The following RLN1 variants were observed in gnomAD, a reference collection of about 807,000 sequenced individuals.
RLN1 encodes the protein prorelaxin H1.
RLN1 carries 4 observed loss-of-function variants against 7.2 expected under a neutral mutation model. The observed-to-expected ratio is 0.56, with a 90% CI of 0.28 to 1.28. The LOEUF (loss-of-function observed/expected upper bound fraction) is 1.28. RLN1 is among the 50% of genes most tolerant of loss of function. RLN1 has a pLI of 0.11. For synonymous variants in RLN1, 105 were observed against 86.0 expected, an observed-to-expected ratio of 1.22 and a Z score of -1.22; for missense variants, 293 against 221.1, an observed-to-expected ratio of 1.32 and a Z score of -2.06.
rs774537814 is a variant in RLN1, at chr9:5,335,255, C to A, written c.554G>T (p.Cys185Phe). 1.3e-6 allele frequency: 2 copies of A among 1,575,552 alleles called. No individual in the cohort carries two copies. The highest frequency in any genetic ancestry group is 1.9e-5 in the Admixed American group (1 of 52,768). The change falls in exon 2 of 2, where the codon TGC (cysteine) becomes TTC (phenylalanine). Residue 185 changes from cysteine to phenylalanine, a missense_variant. Physicochemically the swap from Cys to Phe is radical, Grantham distance 205 (BLOSUM62 -2). Transcript: ENST00000223862. Reference sequence around the variant, plus strand: ...ATGTGCACAATTAGCTTCATCTCAGCAATATTTAGCAAGAGACCTTTTGGT... The same window carrying A: ...ATGTGCACAATTAGCTTCATCTCAGAAATATTTAGCAAGAGACCTTTTGGT... ...GCTKRSLAKY[C>F]
Position 5,339,849 on chromosome 9 carries a change from G to T in RLN1, c.-103C>A. 3 of 1,226,592 alleles carry T rather than the reference G, an allele frequency of 2.4e-6. No homozygotes were observed. Among genetic ancestry groups the T allele is most frequent in the Non-Finnish European group, 3.5e-6 (3 of 851,360 alleles). The allele number at this position is 1,226,592 out of a possible 1,614,324, so 76.0% of individuals were successfully genotyped here. A position where few individuals can be genotyped will look rare whatever the true frequency, so the allele number is the denominator to read the frequency against. The stretch of plus-strand genomic sequence containing the variant: ...CCTGTGTGCCTGTCCCGGGCTTTAG[G>T]CTGCTTTCCCTACCCGGCTCAACCA... On this transcript the variant is annotated 5_prime_UTR_variant, in exon 1 of 2. Coordinates refer to ENST00000223862, the MANE Select transcript of RLN1 (RefSeq NM_006911.4).
intron 1 of RLN1, among the ~76,000 whole-genome samples, chr9:5,336,473 G>A (rs1249148007): frequency 6.6e-6 from 1 of 151,982 alleles, no homozygotes; most frequent in African/African-American, 2.4e-5. Flanking sequence ...ACACCCAGCT[G>A]ACATCTTACT....
At position 5,339,552 on chromosome 9, in the gene RLN1, T is replaced by A; in HGVS notation, c.195A>T (p.Thr65=). 1 of 1,592,596 alleles carries A rather than the reference T, an allele frequency of 6.3e-7. No homozygotes were observed. Among genetic ancestry groups the A allele is most frequent in the Non-Finnish European group, 8.5e-7 (1 of 1,172,822 alleles). ...AGCTCTCACCTGCCACTGGTCTAGG[T>A]GTCTGAGGAGCATCTTCCTGGCTCA... The part of the protein sequence containing the change: ...RSLSQEDAPQ[T]PRPVAEIVPS... Residue 65 remains threonine, a synonymous_variant, in exon 1 of 2, where the codon ACA becomes ACT. Coordinates refer to ENST00000223862, the MANE Select transcript of RLN1 (RefSeq NM_006911.4).
In RLN1 at chr9:5,334,988, T is replaced by A; in HGVS notation, c.*263A>T. ...ATGGTTAAAGTGGCAAAGGTTTTATTGTAATTTTAAGTTAACAGCATTAAA... is the reference window on the plus strand; with the variant it reads ...ATGGTTAAAGTGGCAAAGGTTTTATAGTAATTTTAAGTTAACAGCATTAAA... On this transcript the variant is annotated 3_prime_UTR_variant, in exon 2 of 2. Coordinates refer to ENST00000223862, the MANE Select transcript of RLN1 (RefSeq NM_006911.4). The A allele has an allele frequency of 3.0e-6, 1 of 332,278 alleles. No individual in the cohort carries two copies. 20.6% of individuals were successfully genotyped at this position (332,278 alleles called of 1,614,324 possible).
chr9:5,335,348 T>C lies in RLN1; in HGVS notation c.461A>G (p.Asp154Gly), dbSNP rs1275472808. 6.2e-7 allele frequency: 1 copy of C among 1,613,542 alleles called. No homozygotes were observed. The highest frequency in any genetic ancestry group is 1.7e-5 in the Admixed American group (1 of 59,968). Reference sequence around the variant, plus strand: ...TCGTCTCTTTTTTTGAGAATGAGTATCCAAGCCTAAGTATTTTAATTCTGA... The same window carrying C: ...TCGTCTCTTTTTTTGAGAATGAGTACCCAAGCCTAAGTATTTTAATTCTGA... ...NPSELKYLGL[D>G]THSQKKRRPY... Residue 154 changes from aspartate to glycine, a missense_variant, in exon 2 of 2, where the codon GAT becomes GGT. Asp to Gly is a moderately conservative substitution (Grantham distance 94). Transcript: ENST00000223862.
In RLN1 at chr9:5,339,478, C is replaced by T; in HGVS notation, c.211+58G>A. 4 of 1,268,414 alleles carry T rather than the reference C, an allele frequency of 3.2e-6. No homozygotes were observed. The South Asian group carries it at 4.0e-5, about 13-fold the overall frequency. The allele number at this position is 1,268,414 out of a possible 1,614,324, so 78.6% of individuals were successfully genotyped here. A position where few individuals can be genotyped will look rare whatever the true frequency, so the allele number is the denominator to read the frequency against. ...CAGGCCGCCGTTCCAATTGGGCGGC[C>T]GCCCCAGAGTAACCAATGGGAAGCG... On this transcript the variant is annotated intron_variant, in intron 1 of 1. Coordinates refer to ENST00000223862, the MANE Select transcript of RLN1 (RefSeq NM_006911.4).
At chr9:5,336,936 G>C (rs1586679873) in intron 1 of RLN1, among the ~76,000 whole-genome samples, 1 of 151,940 alleles carries the variant, frequency 6.6e-6, no homozygotes, top group Admixed American at 6.6e-5. Flanking sequence ...AGAATCAGTT[G>C]TTCTCCTTTT....
intron 1 of RLN1, among the ~76,000 whole-genome samples, chr9:5,336,308 G>C (rs1816892642): frequency 6.6e-6 from 1 of 152,072 alleles, no homozygotes; most frequent in Non-Finnish European, 1.5e-5. Flanking sequence ...TGTGGTGTAA[G>C]TGTACTGACT....
chr9:5,340,364 T>C (rs1816967080), upstream of RLN1, among the ~76,000 whole-genome samples: 1 of 152,202 alleles, frequency 6.6e-6, no homozygotes, highest in Non-Finnish European at 1.5e-5. Flanking sequence ...TAACATCATT[T>C]TAGGCTTGTG....
At position 5,339,656 on chromosome 9, in the gene RLN1, C is replaced by T. The variant is rs766541533; in HGVS notation, c.91G>A (p.Val31Ile). The change falls in exon 1 of 2, where the codon GTT (valine) becomes ATT (isoleucine). Residue 31 changes from valine to isoleucine, a missense_variant. Coordinates refer to ENST00000223862, the MANE Select transcript of RLN1 (RefSeq NM_006911.4). ...AATTCGCGGCCGCATAATTTAATAACATCGTCCTTCCATTTGGCCGCGACT... is the reference window on the plus strand; with the variant it reads ...AATTCGCGGCCGCATAATTTAATAATATCGTCCTTCCATTTGGCCGCGACT... ...RAVAAKWKDD[V>I]IKLCGRELVR... 32 of 1,612,872 alleles carry T rather than the reference C, an allele frequency of 2.0e-5. No individual in the cohort carries two copies. In the East Asian group the frequency reaches 6.0e-4, roughly 30 times the overall value.
At chr9:5,337,466 T>C in intron 1 of RLN1, among the ~76,000 whole-genome samples, 1 of 152,056 alleles carries the variant, frequency 6.6e-6, no homozygotes, top group East Asian at 1.9e-4. Flanking sequence ...TCACTGTATT[T>C]TGGATGCAAA....
In RLN1 at chr9:5,339,724, T is replaced by G. The variant is rs1377047951; in HGVS notation, c.23A>C (p.His8Pro). Residue 8 changes from histidine (H) to proline (P), a missense_variant, in exon 1 of 2, where the codon CAC becomes CCC. By Grantham distance (77) the His-to-Pro change is moderately conservative (BLOSUM62 -2). Coordinates refer to ENST00000223862, the MANE Select transcript of RLN1 (RefSeq NM_006911.4). Reference sequence around the variant, plus strand: ...CAGTAGTAAACAGAATTCTAGCAGGTGGAACAAGAACAGGCGAGGCATCCT... The same window carrying G: ...CAGTAGTAAACAGAATTCTAGCAGGGGGAACAAGAACAGGCGAGGCATCCT... MPRLFLF[H>P]LLEFCLLLNQ... is the part of the protein sequence containing the mutation. 1 of 1,613,194 alleles carries G rather than the reference T, an allele frequency of 6.2e-7. No individual in the cohort carries two copies. Among genetic ancestry groups the G allele is most frequent in the Non-Finnish European group, 8.5e-7 (1 of 1,180,030 alleles).
rs1816858777 is a variant in RLN1, at chr9:5,335,160, T to G, written c.*91A>C. Reference sequence around the variant, plus strand: ...ACATTAATAAAGATTTCTTATATTCTAATAATTAGTGGGACCTGACAGAAG... The same window carrying G: ...ACATTAATAAAGATTTCTTATATTCGAATAATTAGTGGGACCTGACAGAAG... On this transcript the variant is annotated 3_prime_UTR_variant, in exon 2 of 2. Coordinates refer to ENST00000223862, the MANE Select transcript of RLN1 (RefSeq NM_006911.4). 1.0e-5 allele frequency: 7 copies of G among 687,888 alleles called. No individual in the cohort carries two copies. Among genetic ancestry groups the G allele is most frequent in the Non-Finnish European group, 1.7e-5 (7 of 423,782 alleles). The allele number at this position is 687,888 out of a possible 1,614,324, so 42.6% of individuals were successfully genotyped here.
chr9:5,340,764 G>C (rs1210147293), upstream of RLN1, among the ~76,000 whole-genome samples: 1 of 152,098 alleles, frequency 6.6e-6, no homozygotes, highest in Non-Finnish European at 1.5e-5. Context: ...GTTAGTAGAC[G>C]ACCCTTCTAC....
chr9:5,340,405 C>A (rs574891012), upstream of RLN1, among the ~76,000 whole-genome samples: 14 of 152,160 alleles, frequency 9.2e-5, no homozygotes, highest in Admixed American at 7.2e-4. Flanking sequence ...AAAACAATTT[C>A]TCCATTGGAC....
At chr9:5,337,182 T>A (rs943398744) in intron 1 of RLN1, among the ~76,000 whole-genome samples, 1 of 152,016 alleles carries the variant, frequency 6.6e-6, no homozygotes, top group Non-Finnish European at 1.5e-5. Context: ...TAAAAACGTC[T>A]CTGTGCTCCA....
At chr9:5,337,989 C>T (rs1816934146) in intron 1 of RLN1, among the ~76,000 whole-genome samples, 2 of 151,660 alleles carry the variant, frequency 1.3e-5, no homozygotes, top group South Asian at 4.2e-4. Flanking sequence ...ATGTGAGAAA[C>T]TGCTCAAAGT....
At position 5,335,415 on chromosome 9, in the gene RLN1, G is replaced by A; in HGVS notation, c.394C>T (p.Leu132Phe). The change falls in exon 2 of 2, where the codon CTT becomes TTT. Residue 132 changes from leucine to phenylalanine, a missense_variant. Coordinates refer to ENST00000223862, the MANE Select transcript of RLN1 (RefSeq NM_006911.4). ...GCTTCACTTTGCCTATTGCGAATAAGTTTCTTAAATTCTTCAAAGCTAAGA... is the reference window on the plus strand; with the variant it reads ...GCTTCACTTTGCCTATTGCGAATAAATTTCTTAAATTCTTCAAAGCTAAGA... ...SNLSFEEFKKLIRNRQSEAAD... is the reference protein window; with the variant it reads ...SNLSFEEFKKFIRNRQSEAAD... The A allele has an allele frequency of 4.3e-6, 7 of 1,613,694 alleles. No homozygotes were observed. Among genetic ancestry groups the A allele is most frequent in the Non-Finnish European group, 5.1e-6 (6 of 1,179,812 alleles).
upstream of RLN1, among the ~76,000 whole-genome samples, chr9:5,340,731 T>G (rs1377019662): frequency 1.3e-5 from 2 of 152,314 alleles, no homozygotes; most frequent in Admixed American, 1.3e-4. Context: ...ATTTTAAAGA[T>G]CCACACAGTT....
Sources: gnomAD v4.1 joint callset for allele counts (sites outside exome capture counted in the v4.1 genomes callset) on GRCh38, gnomAD v4.1.1 for gene constraint, MANE v1.5 for transcripts, NCBI Gene and HGNC (gene_info 2026-07-23, HGNC 2026-07-21) for gene names.